The following PLCH1 variants were observed in gnomAD, a reference collection of about 807,000 sequenced individuals.
The protein encoded by PLCH1 is 1-phosphatidylinositol 4,5-bisphosphate phosphodiesterase eta-1.
PLCH1 carries 60 observed loss-of-function variants against 126.7 expected under a neutral mutation model. The ratio of observed to expected loss-of-function variants is 0.47; its 90% CI spans 0.38 to 0.59. The LOEUF is 0.59. Among genes scored for constraint, PLCH1 ranks in the 20% least tolerant of loss-of-function variants. The pLI is 0.00. For synonymous variants in PLCH1, 719 were observed against 734.9 expected (o/e 0.98, Z 0.35); for missense variants, 1,723 against 2,040.0 (o/e 0.84, Z 2.99).
intron 10 of PLCH1, among the ~76,000 whole-genome samples, chr3:155,537,216 A>C (rs1238917634): frequency 0.13 from 1,480 of 11,224 alleles, 22 homozygotes; most frequent in African/African-American, 0.18. Context: ...AAAAAAAAAA[A>C]AAAAAAAAAA....
intron 21 of PLCH1, among the ~76,000 whole-genome samples, chr3:155,469,450 T>C (rs1211616220): frequency 6.6e-6 from 1 of 151,810 alleles, no homozygotes; most frequent in Non-Finnish European, 1.5e-5. Flanking sequence ...CGCTGATTGC[T>C]AGCACAGCAG....
chr3:155,550,288 G>T (rs1725936049), intron 9 of PLCH1, among the ~76,000 whole-genome samples: 1 of 152,120 alleles, frequency 6.6e-6, no homozygotes, highest in Non-Finnish European at 1.5e-5. Context: ...GAAGTCTAAA[G>T]AAAGTAAACT....
chr3:155,647,939 A>G (rs1740252938), intron 2 of PLCH1, among the ~76,000 whole-genome samples: 1 of 152,080 alleles, frequency 6.6e-6, no homozygotes, highest in Non-Finnish European at 1.5e-5. Flanking sequence ...CCCCCACTAT[A>G]TGCAGTAGAG....
intron 11 of PLCH1, among the ~76,000 whole-genome samples, chr3:155,523,514 C>A (rs1369609553): frequency 2.7e-5 from 3 of 112,168 alleles, no homozygotes; most frequent in Non-Finnish European, 6.5e-5. Context: ...CTCCAGCCAG[C>A]CTTGACAGGG....
intron 2 of PLCH1, among the ~76,000 whole-genome samples, chr3:155,697,134 G>A (rs895002392): frequency 6.6e-6 from 1 of 152,154 alleles, no homozygotes; most frequent in Admixed American, 6.5e-5. Context: ...TTCCCGATGA[G>A]GAATAGAGGC....
At position 155,481,901 on chromosome 3, in the gene PLCH1, T is replaced by G. The variant is rs752802848; in HGVS notation, c.4125A>C (p.Gln1375His). 4 of 1,614,172 alleles carry G rather than the reference T, an allele frequency of 2.5e-6. No individual in the cohort carries two copies. In the Admixed American group the frequency reaches 5.0e-5, roughly 20 times the overall value. The change falls in exon 23 of 23, where the codon CAA becomes CAC. Residue 1375 changes from glutamine (Q) to histidine (H), a missense_variant. Gln to His is a conservative substitution (Grantham distance 24). This residue lies in a region of PLCH1 where 947 missense variants were observed against 977.1 expected (regional missense o/e 0.97). Coordinates refer to ENST00000460012, the MANE Select transcript of PLCH1 (RefSeq NM_014996.4). This position sits in a 1 kb window ranked among gnomAD's most constrained non-coding sequence, Gnocchi z 4.2. Reference sequence around the variant, plus strand: ...ACTTGAGTTTTAAAGGAGAAGCAAGTTGACTTGTGCCCTCTCTCCTATATT... The same window carrying G: ...ACTTGAGTTTTAAAGGAGAAGCAAGGTGACTTGTGCCCTCTCTCCTATATT... ...TCEYRREGTS[Q>H]LASPLKLKYN...
chr3:155,650,764 C>A (rs2108893616), intron 2 of PLCH1, among the ~76,000 whole-genome samples: 1 of 152,250 alleles, frequency 6.6e-6, no homozygotes, highest in East Asian at 1.9e-4. Flanking sequence ...AGATGCTCAA[C>A]AATGCTAGTG....
At chr3:155,500,425 G>C (rs978735747) in intron 14 of PLCH1, among the ~76,000 whole-genome samples, 1 of 152,152 alleles carries the variant, frequency 6.6e-6, no homozygotes, top group Non-Finnish European at 1.5e-5. Flanking sequence ...GACGGTCTTT[G>C]TATTAGTTCA....
intron 2 of PLCH1, among the ~76,000 whole-genome samples, chr3:155,685,825 C>G (rs1435724955): frequency 2.0e-5 from 3 of 152,146 alleles, no homozygotes; most frequent in Non-Finnish European, 4.4e-5. Flanking sequence ...AAAATGGCAA[C>G]AGCAAAGCAT....
At chr3:155,539,610 A>G (rs1243718349) in intron 10 of PLCH1, among the ~76,000 whole-genome samples, 1 of 152,152 alleles carries the variant, frequency 6.6e-6, no homozygotes, top group Non-Finnish European at 1.5e-5. Context: ...ATATACCAAC[A>G]ACAACCAAGC....
rs530510135 is a variant in PLCH1, at chr3:155,586,816, T to C, written c.471-622A>G. Among the ~76,000 whole-genome samples the C allele has an allele frequency of 3.9e-5, 6 of 152,300 alleles. No homozygotes were observed. In the East Asian group the frequency reaches 1.2e-3, roughly 29 times the overall value. On this transcript the variant is annotated intron_variant, in intron 4 of 22. Coordinates refer to ENST00000460012, the MANE Select transcript of PLCH1 (RefSeq NM_014996.4). ...TATTCAATCTTATCCAAATTAAATA[T>C]CAAATCTATTATTGCAAAACACTAT... is the stretch of plus-strand genomic sequence containing the variant.
chr3:155,735,747 G>A (rs1008618989), intron 1 of PLCH1, among the ~76,000 whole-genome samples: 3 of 151,952 alleles, frequency 2.0e-5, no homozygotes. Context: ...TACCCATTCT[G>A]CAATGTATAC....
At chr3:155,631,036 T>C (rs900294080) in intron 2 of PLCH1, among the ~76,000 whole-genome samples, 1 of 152,214 alleles carries the variant, frequency 6.6e-6, no homozygotes, top group African/African-American at 2.4e-5. Flanking sequence ...AAATTTATTA[T>C]TCTTAAAAGT....
At chr3:155,542,977 G>A (rs1051793732) in intron 10 of PLCH1, among the ~76,000 whole-genome samples, 2 of 152,212 alleles carry the variant, frequency 1.3e-5, no homozygotes, top group Non-Finnish European at 2.9e-5. Context: ...AAAAAGCAGA[G>A]CACCTTTCCT....
intron 2 of PLCH1, among the ~76,000 whole-genome samples, chr3:155,695,096 A>G (rs1438674697): frequency 6.6e-6 from 1 of 152,098 alleles, no homozygotes; most frequent in South Asian, 2.1e-4. Context: ...CTGCAATTAA[A>G]CAGCTTTACT....
At chr3:155,477,373 A>T (rs1713588324), downstream of PLCH1, among the ~76,000 whole-genome samples, 2 of 152,170 alleles carry the variant, frequency 1.3e-5, no homozygotes, top group Admixed American at 6.6e-5. Flanking sequence ...AGCACGGGCA[A>T]CCAAAGCAAA....
intron 2 of PLCH1, among the ~76,000 whole-genome samples, chr3:155,699,428 A>G (rs1261695585): frequency 1.3e-5 from 2 of 152,142 alleles, no homozygotes; most frequent in Non-Finnish European, 2.9e-5. Context: ...TCATTGCAAT[A>G]ATAGGAATTC....
intron 4 of PLCH1, among the ~76,000 whole-genome samples, chr3:155,586,515 T>A (rs948009240): frequency 1.3e-5 from 2 of 152,148 alleles, no homozygotes; most frequent in Admixed American, 6.5e-5. Context: ...GAGACCAGCC[T>A]GGCCAACATG....
At position 155,648,553 on chromosome 3, in the gene PLCH1, T is replaced by C. The variant is rs373994689; in HGVS notation, c.80-52175A>G. ...TCCCTACGTGCCTCAGTTATTCATA[T>C]GTTCTCTCTTTCAGCAAATAAATCG... is the stretch of plus-strand genomic sequence containing the variant. On this transcript the variant is annotated intron_variant, in intron 2 of 22. Coordinates refer to ENST00000460012, the MANE Select transcript of PLCH1 (RefSeq NM_014996.4). 1.4e-4 allele frequency among the ~76,000 whole-genome samples: 21 copies of C among 152,320 alleles called. No individual in the cohort carries two copies. In the East Asian group the frequency reaches 3.5e-3, roughly 25 times the overall value.
Sources: allele counts gnomAD v4.1 joint callset (sites outside exome capture counted in the v4.1 genomes callset), GRCh38; gene constraint gnomAD v4.1.1; regional missense constraint gnomAD v4.1.1; non-coding constraint Gnocchi (gnomAD v3.1); transcripts MANE v1.5; gene names NCBI Gene and HGNC (gene_info 2026-07-23, HGNC 2026-07-21).